Variants in PRSS23 observed in about 807,000 individuals in gnomAD.
PRSS23 encodes protease, serine 23.
In PRSS23, 25 loss-of-function variants were observed where a neutral mutation model predicts 34.7. That is an observed-to-expected ratio of 0.72 (90% confidence interval 0.53 to 1.01). PRSS23 has a LOEUF of 1.01. Ranked by LOEUF, PRSS23 falls within the 50% of genes least tolerant of loss-of-function variation. PRSS23 has a pLI of 0.00. For missense variants in PRSS23, 445 were observed against 475.6 expected, an observed-to-expected ratio of 0.94 and a Z score of 0.60; for synonymous variants, 176 against 186.6, an observed-to-expected ratio of 0.94 and a Z score of 0.46.
At chr11:86,887,389 A>G (rs1405552498) in intron 2 of PRSS23, among the ~76,000 whole-genome samples, 1 of 143,692 alleles carries the variant, frequency 7.0e-6, no homozygotes, top group Non-Finnish European at 1.5e-5. Flanking sequence ...TCAAAAAAAC[A>G]GTCAGGAAAA....
intron 1 of PRSS23, among the ~76,000 whole-genome samples, chr11:86,804,910 C>T (rs770680445): frequency 1.5e-4 from 23 of 152,296 alleles, no homozygotes; most frequent in Non-Finnish European, 2.8e-4. Context: ...TACTATAATA[C>T]TACCTCATCT....
chr11:86,930,972 A>G (rs987372055), intron 2 of PRSS23, among the ~76,000 whole-genome samples: 1 of 152,162 alleles, frequency 6.6e-6, no homozygotes, highest in African/African-American at 2.4e-5. Context: ...TGAGGGCCAA[A>G]TTGTGCAGGC....
intron 2 of PRSS23, chr11:86,951,050 G>T: frequency 7.4e-7 from 1 of 1,355,724 alleles, no homozygotes; most frequent in Non-Finnish European, 1.1e-6. Flanking sequence ...TGTTCAAACT[G>T]AGATTCACTG....
rs139646351 is a variant in PRSS23, at chr11:86,940,063, G to C, written c.207-11153G>C. On this transcript the variant is annotated intron_variant, in intron 2 of 2. Coordinates refer to the PRSS23 transcript ENST00000533902. ...TCGGCTACTCTAAGAAATAAGTCGT[G>C]TTAGAAAACTCTGAGTCCCGAAGAG... Among the ~76,000 whole-genome samples the C allele has an allele frequency of 5.1e-4, 78 of 152,254 alleles. No homozygotes were observed. In the East Asian group the frequency reaches 0.015, roughly 29 times the overall value.
chr11:86,831,216 C>T (rs761096475), intron 2 of PRSS23, among the ~76,000 whole-genome samples: 1 of 151,930 alleles, frequency 6.6e-6, no homozygotes, highest in Non-Finnish European at 1.5e-5. Context: ...TCATAATATC[C>T]TAAGGGAATA....
chr11:86,939,127 G>T, intron 2 of PRSS23: 1 of 397,236 alleles, frequency 2.5e-6, no homozygotes, highest in South Asian at 1.9e-5. Flanking sequence ...CCAGAAACAC[G>T]TAAGGGAAAC....
At chr11:86,827,286 T>TGTTTGTAGTATTCTCTGATGGTA (rs1948310036) in intron 2 of PRSS23, among the ~76,000 whole-genome samples, 1 of 152,242 alleles carries the variant, frequency 6.6e-6, no homozygotes, top group Non-Finnish European at 1.5e-5. Context: ...TGCGTAGAGA[T>TGTTTGTAGTATTCTCTGATGGTA]GTTTGTAGTA....
intron 2 of PRSS23, chr11:86,947,832 A>G (rs1949256533): frequency 6.6e-6 from 1 of 152,284 alleles, no homozygotes; most frequent in Non-Finnish European, 1.5e-5. Context: ...CAGAGGTGCC[A>G]TTGCACCATG....
At chr11:86,951,935 G>A (rs566529091) in exon 3 of PRSS23, 5 of 1,613,874 alleles carry the variant, frequency 3.1e-6, no homozygotes, top group African/African-American at 1.3e-5. Flanking sequence ...CCGGCCTACA[G>A]TCAGCCTGAC....
rs61906680 is a variant in PRSS23 at position 86,833,068 on chromosome 11, G to A, written c.206+9475G>A. 2.8e-3 allele frequency: 1,582 copies of A among 560,240 alleles called. 2 individuals are homozygous for A. The highest frequency in any genetic ancestry group is 4.6e-3 in the Non-Finnish European group (1,374 of 298,832). The allele number at this position is 560,240 out of a possible 1,614,324, so 34.7% of individuals were successfully genotyped here. On this transcript the variant is annotated intron_variant, in intron 2 of 2. Coordinates refer to the PRSS23 transcript ENST00000533902. ...GGGTTCATGATGGCTGAATAATATA[G>A]AGGGTGACAGATGGCTACAAACCGG...
rs141505075 is a variant in PRSS23, at chr11:86,903,000, A to C, written c.207-48216A>C. ...ATAACAGCACAGAGGGAAATTGCTCACTGGAATGTCCAGGACCTTACCTGT... is the reference window on the plus strand; with the variant it reads ...ATAACAGCACAGAGGGAAATTGCTCCCTGGAATGTCCAGGACCTTACCTGT... On this transcript the variant is annotated intron_variant, in intron 2 of 2. Transcript: ENST00000533902. Among the ~76,000 whole-genome samples, 9 of 152,292 alleles carry C rather than the reference A, an allele frequency of 5.9e-5. No homozygotes were observed. In the East Asian group the frequency reaches 1.7e-3, roughly 29 times the overall value.
intron 2 of PRSS23, among the ~76,000 whole-genome samples, chr11:86,880,677 G>A (rs1948766998): frequency 6.6e-6 from 1 of 152,018 alleles, no homozygotes; most frequent in East Asian, 1.9e-4. Context: ...GCCCTGGTGT[G>A]TTGTTCCCCT....
chr11:86,844,413 A>T (rs74380296), intron 2 of PRSS23, among the ~76,000 whole-genome samples: 2 of 21,336 alleles, frequency 9.4e-5, no homozygotes, highest in East Asian at 3.1e-3. Context: ...AAGTATAATA[A>T]AAAAAAAATG....
chr11:86,867,315 C>T (rs1382205624), intron 2 of PRSS23, among the ~76,000 whole-genome samples: 1 of 152,198 alleles, frequency 6.6e-6, no homozygotes, highest in Non-Finnish European at 1.5e-5. Context: ...CCTCTGTGTT[C>T]CCACAATGCC....
intron 1 of PRSS23, among the ~76,000 whole-genome samples, chr11:86,817,193 T>C (rs987338885): frequency 6.6e-6 from 1 of 152,228 alleles, no homozygotes; most frequent in African/African-American, 2.4e-5. Context: ...CCTCATGCTT[T>C]CTATTTCATG....
intron 2 of PRSS23, among the ~76,000 whole-genome samples, chr11:86,884,416 C>T (rs142682513): frequency 2.7e-4 from 41 of 152,192 alleles, no homozygotes; most frequent in Non-Finnish European, 5.1e-4. Flanking sequence ...TCTCCTGCCT[C>T]AGCCTCCCAA....
chr11:86,926,640 C>T (rs1482594443), intron 2 of PRSS23, among the ~76,000 whole-genome samples: 3 of 152,134 alleles, frequency 2.0e-5, no homozygotes, highest in African/African-American at 2.4e-5. Context: ...GACCCTGCTT[C>T]TCTATGCATC....
In PRSS23 at chr11:86,824,700, A is replaced by G. The variant is rs541283531; in HGVS notation, c.206+1107A>G. Among the ~76,000 whole-genome samples, 80 of 140,412 alleles carry G rather than the reference A, an allele frequency of 5.7e-4. 1 individual carries two copies. In the South Asian group the frequency reaches 0.015, roughly 27 times the overall value. 92.1% of individuals were successfully genotyped at this position (140,412 alleles called of 152,430 possible). On this transcript the variant is annotated intron_variant, in intron 2 of 2. Coordinates refer to the PRSS23 transcript ENST00000533902. Reference sequence around the variant, plus strand: ...TGTGTCCATGTGTTCTCATTGTTCAATTCCCACCTATGAGTGAGAATATGC... The same window carrying G: ...TGTGTCCATGTGTTCTCATTGTTCAGTTCCCACCTATGAGTGAGAATATGC...
intron 2 of PRSS23, among the ~76,000 whole-genome samples, chr11:86,940,187 C>T (rs1426018256): frequency 1.3e-5 from 2 of 152,158 alleles, no homozygotes; most frequent in African/African-American, 4.8e-5. Flanking sequence ...GACCCTCGGA[C>T]TGCAAGGGGG....
Sources: gnomAD v4.1 joint callset for allele counts (sites outside exome capture counted in the v4.1 genomes callset) on GRCh38, gnomAD v4.1.1 for gene constraint, MANE v1.5 for transcripts, NCBI Gene and HGNC (gene_info 2026-07-23, HGNC 2026-07-21) for gene names.